Variants in LEO1 observed in about 807,000 individuals in gnomAD.
The protein encoded by LEO1 is RNA polymerase-associated protein LEO1.
LEO1 carries 34 observed loss-of-function variants against 80.4 expected under a neutral mutation model. The ratio of observed to expected loss-of-function variants is 0.42; its 90% confidence interval spans 0.32 to 0.56. The LOEUF (loss-of-function observed/expected upper bound fraction) is 0.56. Ranked by LOEUF, LEO1 falls within the 20% of genes least tolerant of loss-of-function variation. The probability of loss-of-function intolerance (pLI) is 0.10; values close to 1 mark genes in which losing one functional copy is unlikely to be tolerated. For missense variants in LEO1, 631 were observed against 814.2 expected (o/e 0.77, Z 2.74); for synonymous variants, 262 against 274.9 (o/e 0.95, Z 0.46).
rs1439531208 is a variant in LEO1, at chr15:51,938,222, A to G, written c.1935T>C (p.Asp645=). The G allele has an allele frequency of 6.2e-7, 1 of 1,609,878 alleles. No individual in the cohort carries two copies. The highest frequency in any genetic ancestry group is 8.5e-7 in the Non-Finnish European group (1 of 1,177,544). ...TCTTATGCTTTTTATTTGCTTTATC[A>G]TCATCTTCTGCTTTTCTCTTTCCGG... ...EPSGKRKAED[D]DKANKKHKKY... is the part of the protein sequence containing the mutation. Residue 645 remains aspartate, a synonymous_variant, in exon 12 of 12, where the codon GAT becomes GAC. Coordinates refer to ENST00000299601, the MANE Select transcript of LEO1 (RefSeq NM_138792.4).
chr15:51,966,109 C>T lies in LEO1; in HGVS notation c.454G>A (p.Asp152Asn). Residue 152 changes from aspartate to asparagine, a missense_variant, in exon 2 of 12, where the codon GAC becomes AAC. Asp to Asn is a conservative substitution (Grantham distance 23). Transcript: ENST00000299601. ...DEKWGREDKSDQSDDEKIQNS... is the reference protein window; with the variant it reads ...DEKWGREDKSNQSDDEKIQNS... ...TGTATCTTTTCATCATCTGACTGGT[C>T]ACTTTTATCTTCTCTGCCCCATTTT... The T allele has an allele frequency of 3.1e-6, 5 of 1,613,978 alleles. No homozygotes were observed. Among genetic ancestry groups the T allele is most frequent in the Non-Finnish European group, 4.2e-6 (5 of 1,180,014 alleles).
intron 1 of LEO1, among the ~76,000 whole-genome samples, chr15:51,969,838 TA>T (rs58342384): frequency 0.82 from 73,510 of 89,906 alleles, 30,127 homozygotes; most frequent in Middle Eastern, 0.88. Context: ...GAGACTCCGT[TA>T]AAAAAAAAAA....
intron 7 of LEO1, 123 bp from the exon 8 acceptor site, chr15:51,953,386 A>C: frequency 1.1e-6 from 1 of 923,950 alleles, no homozygotes; most frequent in Non-Finnish European, 1.6e-6. Flanking sequence ...ACTTTGGGAC[A>C]CCAAGGCAGG....
rs143267193 is a variant in LEO1, at chr15:51,940,547, C to T, written c.1897-2287G>A. On this transcript the variant is annotated intron_variant, in intron 11 of 11. Coordinates refer to ENST00000299601, the MANE Select transcript of LEO1 (RefSeq NM_138792.4). ...CCACACTCCAGCCTGGGCGACAGAGCGAGACTCCGTCTCAAAAAAAAAAAA... is the reference window on the plus strand; with the variant it reads ...CCACACTCCAGCCTGGGCGACAGAGTGAGACTCCGTCTCAAAAAAAAAAAA... Among the ~76,000 whole-genome samples, 735 of 149,436 alleles carry T rather than the reference C, an allele frequency of 4.9e-3. 4 individuals carry two copies. The highest frequency in any genetic ancestry group is 8.1e-3 in the Non-Finnish European group (547 of 67,424).
intron 1 of LEO1, among the ~76,000 whole-genome samples, chr15:51,971,077 C>T (rs1036448831): frequency 2.6e-5 from 4 of 152,150 alleles, no homozygotes; most frequent in Non-Finnish European, 5.9e-5. Flanking sequence ...GTACACAGAC[C>T]CCATGCACTC....
rs1335287864 is a variant in LEO1, at chr15:51,949,880, C to T, written c.1726G>A (p.Asp576Asn). The T allele has an allele frequency of 6.2e-7, 1 of 1,614,070 alleles. No homozygotes were observed. The highest frequency in any genetic ancestry group is 8.5e-7 in the Non-Finnish European group (1 of 1,180,014). Residue 576 changes from aspartate to asparagine, a missense_variant, in exon 10 of 12, where the codon GAT becomes AAT. Coordinates refer to ENST00000299601, the MANE Select transcript of LEO1 (RefSeq NM_138792.4). ...SASYLEPDRY[D>N]EEEEGEESIS... ...GACTCCTCGCCTTCCTCCTCCTCATCGTATCGATCAGGTTCCAGGTAACTG... is the reference window on the plus strand; with the variant it reads ...GACTCCTCGCCTTCCTCCTCCTCATTGTATCGATCAGGTTCCAGGTAACTG...
Position 51,957,749 on chromosome 15 carries a change from G to C in LEO1, c.1245+993C>G, listed in dbSNP as rs150321423. Among the ~76,000 whole-genome samples, 1,200 of 152,246 alleles carry C rather than the reference G, an allele frequency of 7.9e-3. 8 individuals carry two copies. The highest frequency in any genetic ancestry group is 0.013 in the Non-Finnish European group (880 of 68,014). On this transcript the variant is annotated intron_variant, in intron 6 of 11. Coordinates refer to ENST00000299601, the MANE Select transcript of LEO1 (RefSeq NM_138792.4). Reference sequence around the variant, plus strand: ...TTAATAAGGTACCAAGGCCAGGCGCGGTGGCTCACACCTGTAATCCCAGCT... The same window carrying C: ...TTAATAAGGTACCAAGGCCAGGCGCCGTGGCTCACACCTGTAATCCCAGCT...
chr15:51,968,148 A>G (rs141556313), intron 1 of LEO1, among the ~76,000 whole-genome samples: 8 of 152,316 alleles, frequency 5.3e-5, no homozygotes, highest in Non-Finnish European at 1.0e-4. Context: ...ATAGCACTGC[A>G]CTCCAGCCTG....
At chr15:51,960,553 A>C (rs2057021767) in intron 4 of LEO1, 86 bp downstream of exon 4, 2 of 758,712 alleles carry the variant, frequency 2.6e-6, no homozygotes, top group Non-Finnish European at 4.7e-6. Context: ...TCAGTTATCA[A>C]CTTCCTTTCC....
chr15:51,941,088 C>CAAAT (rs71426099), intron 11 of LEO1, among the ~76,000 whole-genome samples: 54,757 of 150,902 alleles, frequency 0.36, 10,227 homozygotes, highest in Middle Eastern at 0.43. Context: ...AACAAACAAA[C>CAAAT]AAATAAATAA....
Position 51,971,641 on chromosome 15 carries a change from G to T in LEO1, c.58+47C>A, listed in dbSNP as rs1019933101. 2.5e-6 allele frequency: 4 copies of T among 1,597,776 alleles called. No homozygotes were observed. The African/African-American group carries it at 5.4e-5, about 21-fold the overall frequency. ...CCTCCACGGTTGTCCGGCTCCCACA[G>T]CGGAAGGCCTGCCACGCACCCATCC... On this transcript the variant is annotated intron_variant, in intron 1 of 11. Transcript: ENST00000299601.
chr15:51,964,759 A>G (rs1036534332), intron 2 of LEO1, among the ~76,000 whole-genome samples: 1 of 152,220 alleles, frequency 6.6e-6, no homozygotes, highest in Non-Finnish European at 1.5e-5. Context: ...AATTAATATA[A>G]TCAATCACCT....
At chr15:51,947,041 C>T (rs567238015) in intron 11 of LEO1, 8 of 440,192 alleles carry the variant, frequency 1.8e-5, no homozygotes, top group Non-Finnish European at 2.0e-5. Context: ...GTTTGACCAG[C>T]AAGCTTCTGA....
intron 11 of LEO1, among the ~76,000 whole-genome samples, chr15:51,945,262 C>CCAAAAAAAA (rs2056889485): frequency 1.2e-5 from 1 of 80,394 alleles, no homozygotes; most frequent in Non-Finnish European, 2.3e-5. Flanking sequence ...ACAAAAAATA[C>CCAAAAAAAA]AAAAAAAAAA....
At chr15:51,954,651 C>T in intron 6 of LEO1, 76 bp from the exon 7 acceptor site, 1 of 936,342 alleles carries the variant, frequency 1.1e-6, no homozygotes, top group Middle Eastern at 2.5e-4. Context: ...TCAAGAGGCA[C>T]ATAATCACAG....
At chr15:51,962,548 T>A in intron 2 of LEO1, 55 bp from the exon 3 acceptor site, 1 of 1,311,496 alleles carries the variant, frequency 7.6e-7, no homozygotes, top group Non-Finnish European at 1.1e-6. Flanking sequence ...TTGAATTTTG[T>A]GTTTTAAAAG....
At chr15:51,945,360 C>G (rs1475185716) in intron 11 of LEO1, among the ~76,000 whole-genome samples, 5 of 151,754 alleles carry the variant, frequency 3.3e-5, no homozygotes, top group African/African-American at 1.2e-4. Flanking sequence ...AAGGCTCCAG[C>G]TTCAGCCTCT....
At chr15:51,941,320 G>A (rs1381104556) in intron 11 of LEO1, among the ~76,000 whole-genome samples, 1 of 152,132 alleles carries the variant, frequency 6.6e-6, no homozygotes, top group Non-Finnish European at 1.5e-5. Flanking sequence ...CTAAAAGAAA[G>A]CTTGCTAATA....
intron 11 of LEO1, among the ~76,000 whole-genome samples, chr15:51,942,932 A>C (rs1022897442): frequency 6.6e-6 from 1 of 150,442 alleles, no homozygotes; most frequent in African/African-American, 2.5e-5. Flanking sequence ...AAAAAAAAAA[A>C]AAAAACCAAA....
Sources: gnomAD v4.1 joint callset for allele counts (sites outside exome capture counted in the v4.1 genomes callset) on GRCh38, gnomAD v4.1.1 for gene constraint, MANE v1.5 for transcripts, NCBI Gene and HGNC (gene_info 2026-07-23, HGNC 2026-07-21) for gene names.